Variants in DNAJA3 observed in about 807,000 individuals in gnomAD.
DNAJA3 encodes the protein DnaJ heat shock protein family (Hsp40) member A3, also known as dnaJ homolog subfamily A member 3, mitochondrial.
DNAJA3 carries 29 observed loss-of-function variants against 54.9 expected under a neutral mutation model. That is an observed-to-expected ratio of 0.53 (90% CI 0.39 to 0.72). DNAJA3 has a LOEUF of 0.72. DNAJA3 is among the 30% of genes least tolerant of loss of function. The pLI is 0.00. For synonymous variants in DNAJA3, 302 were observed against 251.4 expected (o/e 1.20, Z -1.90); for missense variants, 708 against 639.4 (o/e 1.11, Z -1.16).
chr16:4,446,333 T>A (rs2056901992), intron 7 of DNAJA3, among the ~76,000 whole-genome samples: 1 of 150,664 alleles, frequency 6.6e-6, no homozygotes, highest in Non-Finnish European at 1.5e-5. Context: ...AAACTTCATC[T>A]CCCAGGTTCA....
chr16:4,438,294 G>A (rs1407532872), intron 3 of DNAJA3, among the ~76,000 whole-genome samples: 1 of 151,502 alleles, frequency 6.6e-6, no homozygotes, highest in Non-Finnish European at 1.5e-5. Flanking sequence ...TCCAGCCTGG[G>A]CGACAGAGCA....
chr16:4,435,919 C>G (rs2056767150), intron 2 of DNAJA3, among the ~76,000 whole-genome samples: 1 of 152,194 alleles, frequency 6.6e-6, no homozygotes, highest in African/African-American at 2.4e-5. Context: ...AGCAGCTGCA[C>G]CATTTTACAT....
At chr16:4,454,608 C>CT (rs2057014123) in intron 10 of DNAJA3, among the ~76,000 whole-genome samples, 1 of 152,236 alleles carries the variant, frequency 6.6e-6, no homozygotes, top group Non-Finnish European at 1.5e-5. Flanking sequence ...CCCTCAGGCT[C>CT]TGAGTGGCCT....
chr16:4,426,570 G>A (rs1345597226), intron 1 of DNAJA3, among the ~76,000 whole-genome samples: 13 of 152,364 alleles, frequency 8.5e-5, no homozygotes, highest in Admixed American at 7.8e-4. Context: ...TAGACTAGAA[G>A]AGTTGTCTCA....
chr16:4,426,181 G>A (rs1371432798), intron 1 of DNAJA3, 89 bp downstream of exon 1: 2 of 1,313,446 alleles, frequency 1.5e-6, no homozygotes, highest in Non-Finnish European at 2.0e-6. Flanking sequence ...CAGGGGTAGT[G>A]GGGTGGAGGG....
Position 4,438,828 on chromosome 16 carries a change from T to C in DNAJA3, c.429+1343T>C, listed in dbSNP as rs150650367. On this transcript the variant is annotated intron_variant, in intron 3 of 11. Coordinates refer to ENST00000262375, the MANE Select transcript of DNAJA3 (RefSeq NM_005147.6). ...GTATATATAGGAGCTCATATATCTA[T>C]AAGAGTAGACAGCCACGTAGAAGAA... is the stretch of plus-strand genomic sequence containing the variant. Among the ~76,000 whole-genome samples, 795 of 152,154 alleles carry C rather than the reference T, an allele frequency of 5.2e-3. 4 individuals carry two copies. The highest frequency in any genetic ancestry group is 0.018 in the African/African-American group (750 of 41,514).
rs139076645 is a variant in DNAJA3 at position 4,429,694 on chromosome 16, C to T, written c.211+3602C>T. 3.5e-4 allele frequency among the ~76,000 whole-genome samples: 54 copies of T among 152,220 alleles called. No individual in the cohort carries two copies. The East Asian group carries it at 9.7e-3, about 27-fold the overall frequency. On this transcript the variant is annotated intron_variant, in intron 1 of 11. Coordinates refer to ENST00000262375, the MANE Select transcript of DNAJA3 (RefSeq NM_005147.6). ...TACAAAAAATACAAAATTAGCCAGGCCTGGTGGCGCATGCCTGTAAACCCG... is the reference window on the plus strand; with the variant it reads ...TACAAAAAATACAAAATTAGCCAGGTCTGGTGGCGCATGCCTGTAAACCCG...
chr16:4,428,321 C>G (rs9926114), intron 1 of DNAJA3, among the ~76,000 whole-genome samples: 102,862 of 151,998 alleles, frequency 0.68, 34,998 homozygotes, highest in Non-Finnish European at 0.71. Context: ...TCCTGGCTCA[C>G]TTCAGCCTCC....
intron 1 of DNAJA3, among the ~76,000 whole-genome samples, chr16:4,431,325 T>G (rs2056697799): frequency 1.3e-5 from 2 of 152,226 alleles, no homozygotes; most frequent in Admixed American, 1.3e-4. Flanking sequence ...TTTTCTCAAG[T>G]CTGACTGAAG....
Position 4,441,481 on chromosome 16 carries a change from C to T in DNAJA3, c.536C>T (p.Thr179Ile), listed in dbSNP as rs376426974. The change falls in exon 4 of 12, where the codon ACT (threonine) becomes ATT (isoleucine). Residue 179 changes from threonine (T) to isoleucine (I), a missense_variant. Coordinates refer to ENST00000262375, the MANE Select transcript of DNAJA3 (RefSeq NM_005147.6). ...SQHSYWKGGPTVDPEELFRKI... is the reference protein window; with the variant it reads ...SQHSYWKGGPIVDPEELFRKI... ...CATAGCTACTGGAAGGGAGGCCCCACTGTGGACCCCGAGGAGCTGTTCAGG... is the reference window on the plus strand; with the variant it reads ...CATAGCTACTGGAAGGGAGGCCCCATTGTGGACCCCGAGGAGCTGTTCAGG... The T allele has an allele frequency of 5.6e-6, 9 of 1,614,092 alleles. No homozygotes were observed. The highest frequency in any genetic ancestry group is 4.4e-5 in the South Asian group (4 of 91,092).
At chr16:4,444,638 T>C (rs1950537148) in intron 6 of DNAJA3, 26 bp from the exon 7 acceptor site, 3 of 1,611,658 alleles carry the variant, frequency 1.9e-6, no homozygotes, top group African/African-American at 1.3e-5. Context: ...CCTGCCTAAC[T>C]TCTCCCTTTC....
chr16:4,452,666 T>C (rs2056991840), intron 10 of DNAJA3, among the ~76,000 whole-genome samples: 1 of 152,166 alleles, frequency 6.6e-6, no homozygotes, highest in Non-Finnish European at 1.5e-5. Flanking sequence ...CCCAGCACTT[T>C]GGGCGGCTAA....
chr16:4,436,689 C>G (rs570273446), intron 2 of DNAJA3, among the ~76,000 whole-genome samples: 1 of 152,004 alleles, frequency 6.6e-6, no homozygotes, highest in Non-Finnish European at 1.5e-5. Context: ...GCGCGTGTGA[C>G]CATACCTGGC....
At chr16:4,441,623 G>A in intron 4 of DNAJA3, 48 bp downstream of exon 4, 1 of 1,583,554 alleles carries the variant, frequency 6.3e-7, no homozygotes, top group Non-Finnish European at 8.6e-7. Flanking sequence ...ACTAAGTATG[G>A]GTCAAACAAA....
intron 1 of DNAJA3, chr16:4,426,834 A>G (rs1245389670): frequency 1.3e-5 from 2 of 152,174 alleles, no homozygotes; most frequent in African/African-American, 2.4e-5. Flanking sequence ...TGTCACAAGG[A>G]GGTGGAGGCT....
intron 1 of DNAJA3, among the ~76,000 whole-genome samples, chr16:4,429,662 C>T (rs771405807): frequency 3.3e-5 from 5 of 152,100 alleles, no homozygotes; most frequent in African/African-American, 1.2e-4. Flanking sequence ...TGGAGAAACC[C>T]CGTCTCTACA....
intron 4 of DNAJA3, 106 bp from the exon 5 acceptor site, chr16:4,442,162 A>C: frequency 2.5e-6 from 3 of 1,212,092 alleles, no homozygotes. Context: ...CAGTGGTGAA[A>C]GAGTGACTGA....
rs139395766 is a variant in DNAJA3, at chr16:4,454,834, G to A, written c.1363G>A (p.Ala455Thr). ...AGGTGGCAGCACCATGGATAGCTCCGCAGGAAGCAAGGCTAGGCGTGAGGC... is the reference window on the plus strand; with the variant it reads ...AGGTGGCAGCACCATGGATAGCTCCACAGGAAGCAAGGCTAGGCGTGAGGC... ...SSGGSTMDSS[A>T]GSKARREAGE... Residue 455 changes from alanine to threonine, a missense_variant, in exon 11 of 12, where the codon GCA becomes ACA. By Grantham distance (58) the Ala-to-Thr change is moderately conservative. Coordinates refer to ENST00000262375, the MANE Select transcript of DNAJA3 (RefSeq NM_005147.6). The A allele has an allele frequency of 2.9e-5, 46 of 1,613,962 alleles. No homozygotes were observed. In the African/African-American group the frequency reaches 3.1e-4, roughly 11 times the overall value.
In DNAJA3 at chr16:4,434,467, G is replaced by A. The variant is rs1488983342; in HGVS notation, c.295G>A (p.Gly99Arg). The A allele has an allele frequency of 6.2e-7, 1 of 1,614,028 alleles. No homozygotes were observed. The highest frequency in any genetic ancestry group is 8.5e-7 in the Non-Finnish European group (1 of 1,180,016). The change falls in exon 2 of 12, where the codon GGA becomes AGA. Residue 99 changes from glycine (G) to arginine (R), a missense_variant. By Grantham distance (125) the Gly-to-Arg change is moderately radical. Transcript: ENST00000262375. ...CAAAGAAGATTATTATCAGATATTA[G>A]GAGTGCCTCGAAATGCCAGCCAGAA... ...LAKEDYYQIL[G>R]VPRNASQKEI...
Sources: gnomAD v4.1 joint callset for allele counts (sites outside exome capture counted in the v4.1 genomes callset) on GRCh38, gnomAD v4.1.1 for gene constraint, MANE v1.5 for transcripts, NCBI Gene and HGNC (gene_info 2026-07-23, HGNC 2026-07-21) for gene names.